Variants in WHAMM observed in about 807,000 individuals in gnomAD.
WHAMM encodes the protein WASP homolog-associated protein with actin, membranes and microtubules.
Under a neutral mutation model 76.5 loss-of-function variants are expected in WHAMM, and 67 were observed. The ratio of observed to expected loss-of-function variants is 0.88; its 90% CI spans 0.72 to 1.07. The LOEUF (loss-of-function observed/expected upper bound fraction) is 1.07, where lower values mean the gene tolerates loss of function less well. Among genes scored for constraint, WHAMM ranks in the 50% least tolerant of loss-of-function variants. WHAMM has a pLI of 0.00. For synonymous variants in WHAMM, 419 were observed against 422.1 expected (o/e 0.99, Z 0.09); for missense variants, 1,021 against 1,051.1 (o/e 0.97, Z 0.40).
chr15:82,833,603 G>GA lies in WHAMM; in HGVS notation c.*71dup. The GA allele has an allele frequency of 6.6e-7, 1 of 1,525,508 alleles. No individual in the cohort carries two copies. The highest frequency in any genetic ancestry group is 1.4e-5 in the African/African-American group (1 of 73,228). 94.5% of individuals were successfully genotyped at this position (1,525,508 alleles called of 1,614,324 possible). A position where few individuals can be genotyped will look rare whatever the true frequency, so the allele number is the denominator to read the frequency against. On this transcript the variant is annotated 3_prime_UTR_variant, in exon 10 of 10. Transcript: ENST00000286760. ...AAAGTGGGTGAGTCTTAGACCTATC[G>GA]AAAAGCATACTAACAGGGTGCTGAT...
In WHAMM at chr15:82,810,317, G is replaced by A; in HGVS notation, c.591G>A (p.Ala197=). Residue 197 remains alanine, a synonymous_variant, in exon 1 of 10, where the codon GCG becomes GCA. Coordinates refer to ENST00000286760, the MANE Select transcript of WHAMM (RefSeq NM_001080435.3). ...ERALRARWVE[A]DARLRQVIQG... ...CCTTGCGCGCGCGGTGGGTCGAGGC[G>A]GACGCGCGGCTGCGCCAGGTAAGCG... The A allele has an allele frequency of 7.6e-7, 1 of 1,316,514 alleles. No homozygotes were observed. The highest frequency in any genetic ancestry group is 9.6e-7 in the Non-Finnish European group (1 of 1,039,068). The allele number at this position is 1,316,514 out of a possible 1,614,324, so 81.6% of individuals were successfully genotyped here.
chr15:82,815,021 C>T (rs1163977683), intron 2 of WHAMM, among the ~76,000 whole-genome samples: 2 of 147,588 alleles, frequency 1.4e-5, no homozygotes, highest in Admixed American at 6.8e-5. Flanking sequence ...CCGCCCGTCT[C>T]GGCCTCCCAG....
intron 8 of WHAMM, 92 bp from the exon 9 acceptor site, chr15:82,830,507 G>C: frequency 1.3e-6 from 2 of 1,520,068 alleles, no homozygotes; most frequent in Non-Finnish European, 1.8e-6. Context: ...TCCATGCATA[G>C]AAACGGATGT....
chr15:82,817,922 A>G lies in WHAMM; in HGVS notation c.937A>G (p.Met313Val). 6.6e-7 allele frequency: 1 copy of G among 1,520,716 alleles called. No homozygotes were observed. Among genetic ancestry groups the G allele is most frequent in the Non-Finnish European group, 8.8e-7 (1 of 1,131,332 alleles). The allele number at this position is 1,520,716 out of a possible 1,614,324, so 94.2% of individuals were successfully genotyped here. A position where few individuals can be genotyped will look rare whatever the true frequency, so the allele number is the denominator to read the frequency against. ...ATTTTATTTTTATAATCCAACAGGA[A>G]TGCAGAAAGAAATGGAACAGGATGC... The part of the protein sequence containing the change: ...FKETVKALAG[M>V]QKEMEQDAKR... Residue 313 changes from methionine (M) to valine (V), a missense_variant and splice_region_variant, in exon 4 of 10, where the codon ATG becomes GTG. Transcript: ENST00000286760.
At chr15:82,822,173 T>G (rs1042591659) in intron 5 of WHAMM, among the ~76,000 whole-genome samples, 1 of 152,186 alleles carries the variant, frequency 6.6e-6, no homozygotes, top group Admixed American at 6.5e-5. Flanking sequence ...AAAATCAATA[T>G]GTAATCAAGA....
At chr15:82,819,723 G>C (rs1350137432) in intron 5 of WHAMM, among the ~76,000 whole-genome samples, 3 of 152,382 alleles carry the variant, frequency 2.0e-5, no homozygotes, top group Non-Finnish European at 4.4e-5. Flanking sequence ...GCTGGGCACA[G>C]TGGCTCACGC....
At chr15:82,832,227 AGT>A (rs1226833348) in intron 9 of WHAMM, among the ~76,000 whole-genome samples, 3 of 152,250 alleles carry the variant, frequency 2.0e-5, no homozygotes. Context: ...AGAATAAGAA[AGT>A]GTGAATTTGC....
intron 6 of WHAMM, among the ~76,000 whole-genome samples, chr15:82,824,835 A>G (rs913369238): frequency 6.6e-6 from 1 of 152,206 alleles, no homozygotes; most frequent in African/African-American, 2.4e-5. Context: ...AAAAATGTTC[A>G]TTACTCTTCC....
intron 9 of WHAMM, 72 bp from the exon 10 acceptor site, chr15:82,833,157 T>C: frequency 6.8e-7 from 1 of 1,478,758 alleles, no homozygotes; most frequent in Non-Finnish European, 9.1e-7. Flanking sequence ...GATTTCACAA[T>C]TTCATAGCAG....
chr15:82,821,421 G>A (rs2050824917), intron 5 of WHAMM, among the ~76,000 whole-genome samples: 1 of 152,118 alleles, frequency 6.6e-6, no homozygotes, highest in Admixed American at 6.6e-5. Flanking sequence ...AATTTATTTT[G>A]ATTGTCGTAG....
intron 4 of WHAMM, among the ~76,000 whole-genome samples, chr15:82,818,885 T>C (rs1450889592): frequency 5.3e-5 from 8 of 152,246 alleles, no homozygotes; most frequent in Admixed American, 3.3e-4. Context: ...AGTGCTCATA[T>C]AGCCTTTCTT....
intron 4 of WHAMM, among the ~76,000 whole-genome samples, chr15:82,818,392 A>G (rs2050763900): frequency 6.6e-6 from 1 of 152,192 alleles, no homozygotes; most frequent in East Asian, 1.9e-4. Context: ...TTTTATTTTT[A>G]GATAGCACTT....
intron 8 of WHAMM, among the ~76,000 whole-genome samples, chr15:82,827,894 G>A (rs2050962817): frequency 6.6e-6 from 1 of 151,958 alleles, no homozygotes; most frequent in Non-Finnish European, 1.5e-5. Context: ...GCAGTGAGCT[G>A]AACTTGCGCC....
At chr15:82,815,155 A>ATATATATATATATATATATATG in intron 2 of WHAMM, among the ~76,000 whole-genome samples, 1 of 46,138 alleles carries the variant, frequency 2.2e-5, no homozygotes, top group South Asian at 6.2e-4. Flanking sequence ...ATATATATAT[A>ATATATATATATATATATATATG]GTACAATTCA....
rs1239412693 is a variant in WHAMM, at chr15:82,830,617, G to T, written c.1660G>T (p.Val554Phe). ...TTTTCAGAAACGCCTAGCTCAATCT[G>T]TCCGAAACACCTCTGGCTCAGAACC... Reference protein sequence around the residue: ...SFKDKRLAQSVRNTSGSEPVA... With the variant: ...SFKDKRLAQSFRNTSGSEPVA... The change falls in exon 9 of 10, where the codon GTC (valine) becomes TTC (phenylalanine). Residue 554 changes from valine (V) to phenylalanine (F), a missense_variant. By Grantham distance (50) the Val-to-Phe change is conservative. Around this residue, in one of 3 missense-constraint regions of WHAMM, gnomAD observed 509 missense variants for 492.3 expected, o/e 1.03. Coordinates refer to ENST00000286760, the MANE Select transcript of WHAMM (RefSeq NM_001080435.3). 1.2e-6 allele frequency: 2 copies of T among 1,613,006 alleles called. No individual in the cohort carries two copies. The highest frequency in any genetic ancestry group is 1.7e-6 in the Non-Finnish European group (2 of 1,179,530).
intron 2 of WHAMM, among the ~76,000 whole-genome samples, chr15:82,815,151 A>AATG (rs2050704744): frequency 3.0e-5 from 1 of 33,370 alleles, no homozygotes; most frequent in Non-Finnish European, 5.2e-5. Context: ...ATATATATAT[A>AATG]TATAGTACAA....
At position 82,810,164 on chromosome 15, in the gene WHAMM, C is replaced by T. The variant is rs1207577055; in HGVS notation, c.438C>T (p.Cys146=). ...GPGEAALQEL[C]GQLERYLGAA... ...GCGAGGCGGCGCTGCAGGAGCTGTG[C>T]GGGCAGCTGGAACGCTATCTGGGCG... The change falls in exon 1 of 10, where the codon TGC becomes TGT. Residue 146 remains cysteine, a synonymous_variant. Coordinates refer to ENST00000286760, the MANE Select transcript of WHAMM (RefSeq NM_001080435.3). 13 of 1,396,492 alleles carry T rather than the reference C, an allele frequency of 9.3e-6. No homozygotes were observed. In the Admixed American group the frequency reaches 2.4e-4, roughly 25 times the overall value. 86.5% of individuals were successfully genotyped at this position (1,396,492 alleles called of 1,614,324 possible). A position where few individuals can be genotyped will look rare whatever the true frequency, so the allele number is the denominator to read the frequency against.
In WHAMM at chr15:82,809,911, GGCCCGAGCCCGA is replaced by G. The variant is rs762622424; in HGVS notation, c.190_201del (p.Glu64_Pro67del). ...CGGCTGCGCGAGGGGGCCCGGTTGG[GGCCCGAGCCCGA>G]GCCCAAGCCTGAGGCCGCCGTCTCC... is the stretch of plus-strand genomic sequence containing the variant. On this transcript the variant is annotated inframe_deletion, in exon 1 of 10. Coordinates refer to ENST00000286760, the MANE Select transcript of WHAMM (RefSeq NM_001080435.3). 9 of 1,526,828 alleles carry G rather than the reference GGCCCGAGCCCGA, an allele frequency of 5.9e-6. No individual in the cohort carries two copies. The highest frequency in any genetic ancestry group is 7.1e-6 in the Non-Finnish European group (8 of 1,133,862). The allele number at this position is 1,526,828 out of a possible 1,614,324, so 94.6% of individuals were successfully genotyped here.
At chr15:82,812,943 A>G (rs565893195) in intron 1 of WHAMM, among the ~76,000 whole-genome samples, 160 bp from the exon 2 acceptor site, 2 of 152,284 alleles carry the variant, frequency 1.3e-5, no homozygotes, top group South Asian at 4.1e-4. Context: ...TTTATTGGGC[A>G]TTTTTGATGG....
Sources: allele counts gnomAD v4.1 joint callset (sites outside exome capture counted in the v4.1 genomes callset), GRCh38; gene constraint gnomAD v4.1.1; regional missense constraint gnomAD v4.1.1; transcripts MANE v1.5; gene names NCBI Gene and HGNC (gene_info 2026-07-23, HGNC 2026-07-21).